VCL: variants seen among roughly 807,000 people sequenced by gnomAD.
VCL encodes the protein vinculin.
Under a neutral mutation model 125.7 loss-of-function variants are expected in VCL, and 47 were observed. The observed-to-expected ratio is 0.37, with a 90% CI of 0.30 to 0.48. The LOEUF (loss-of-function observed/expected upper bound fraction) is 0.48. Among genes scored for constraint, VCL ranks in the 20% least tolerant of loss-of-function variants. VCL has a pLI of 0.99. For synonymous variants in VCL, 458 were observed against 514.6 expected, an observed-to-expected ratio of 0.89 and a Z score of 1.49; for missense variants, 1,069 against 1,455.5, an observed-to-expected ratio of 0.73 and a Z score of 4.32.
chr10:74,001,114 C>T (rs1419649575), intron 1 of VCL, among the ~76,000 whole-genome samples: 1 of 152,024 alleles, frequency 6.6e-6, no homozygotes, highest in Admixed American at 6.6e-5. Context: ...ACAAAGAGAG[C>T]AGGAGGGGAA....
intron 13 of VCL, among the ~76,000 whole-genome samples, chr10:74,098,224 A>G (rs1840001294): frequency 1.3e-5 from 2 of 152,132 alleles, no homozygotes; most frequent in African/African-American, 2.4e-5. Flanking sequence ...CCAGATAACC[A>G]TATCTATTAG....
chr10:74,101,675 C>A (rs1840060683), intron 14 of VCL, among the ~76,000 whole-genome samples: 1 of 150,874 alleles, frequency 6.6e-6, no homozygotes, highest in South Asian at 2.1e-4. Flanking sequence ...CCTGCCTCAG[C>A]CTCCCGAGTA....
intron 1 of VCL, among the ~76,000 whole-genome samples, chr10:74,028,365 T>A (rs1456189901): frequency 2.0e-5 from 3 of 151,650 alleles, no homozygotes; most frequent in Non-Finnish European, 4.4e-5. Context: ...ATTATAGGTG[T>A]GAGCCACTGC....
intron 1 of VCL, among the ~76,000 whole-genome samples, chr10:74,023,476 A>G (rs569151653): frequency 3.7e-4 from 56 of 152,382 alleles, no homozygotes; most frequent in African/African-American, 1.3e-3. Context: ...GTATGACTGT[A>G]CTTAAAACAG....
chr10:74,035,851 T>A (rs1369878797), intron 1 of VCL, among the ~76,000 whole-genome samples: 1 of 152,204 alleles, frequency 6.6e-6, no homozygotes, highest in Admixed American at 6.5e-5. Flanking sequence ...GTGTTGAACA[T>A]GTACAGATTT....
chr10:74,105,241 CG>C lies in VCL; in HGVS notation c.2323del (p.Glu775ArgfsTer9), dbSNP rs1840112886. The C allele has an allele frequency of 6.2e-7, 1 of 1,613,974 alleles. No individual in the cohort carries two copies. Among genetic ancestry groups the C allele is most frequent in the Admixed American group, 1.7e-5 (1 of 59,982 alleles). ...LVAKREVENS[E>X]DPKFREAVKA... ...TGGCTAAGAGGGAGGTGGAGAATTC[CG>C]AGGATCCCAAGTTCCGTGAGGCTGT... On this transcript the variant is annotated frameshift_variant, in exon 16 of 22. Transcript: ENST00000211998. LOFTEE classifies it high-confidence loss of function.
chr10:74,049,105 TCAAAAAAA>T (rs920919379), intron 2 of VCL, among the ~76,000 whole-genome samples: 8 of 147,268 alleles, frequency 5.4e-5, no homozygotes, highest in Non-Finnish European at 1.5e-5. Context: ...AGACTCCATC[TCAAAAAAA>T]CAAACAAACA....
Position 74,072,868 on chromosome 10 carries a change from A to T in VCL, c.622+16A>T. Reference sequence around the variant, plus strand: ...CTCATTTCAGGTACTTCCTGCCTGTACTTTATTTTATAGGGGGGAAAAATG... The same window carrying T: ...CTCATTTCAGGTACTTCCTGCCTGTTCTTTATTTTATAGGGGGGAAAAATG... On this transcript the variant is annotated intron_variant, in intron 5 of 21. Transcript: ENST00000211998. The T allele has an allele frequency of 6.2e-7, 1 of 1,613,648 alleles. No individual in the cohort carries two copies. Among genetic ancestry groups the T allele is most frequent in the East Asian group, 2.2e-5 (1 of 44,870 alleles).
Position 74,094,478 on chromosome 10 carries a change from A to G in VCL, c.1543+17A>G. On this transcript the variant is annotated intron_variant, in intron 11 of 21. Coordinates refer to ENST00000211998, the MANE Select transcript of VCL (RefSeq NM_014000.3). ...GTGGAGTCGGTAAGGGCAGCAGTGCACTATAACCTCATTAAATTGGTCTCA... is the reference window on the plus strand; with the variant it reads ...GTGGAGTCGGTAAGGGCAGCAGTGCGCTATAACCTCATTAAATTGGTCTCA... 2 of 1,610,080 alleles carry G rather than the reference A, an allele frequency of 1.2e-6. No individual in the cohort carries two copies. The highest frequency in any genetic ancestry group is 1.3e-5 in the African/African-American group (1 of 75,056).
At chr10:74,014,802 A>AGTAG (rs1840507035) in intron 1 of VCL, among the ~76,000 whole-genome samples, 1 of 152,086 alleles carries the variant, frequency 6.6e-6, no homozygotes, top group Non-Finnish European at 1.5e-5. Flanking sequence ...TCAAGCTTGC[A>AGTAG]TTAGTCTCCT....
At chr10:74,072,920 A>C in intron 5 of VCL, 68 bp downstream of exon 5, 1 of 1,590,750 alleles carries the variant, frequency 6.3e-7, no homozygotes, top group South Asian at 1.1e-5. Flanking sequence ...TCTGAGGTTC[A>C]TTTTGTTTTC....
intron 13 of VCL, among the ~76,000 whole-genome samples, chr10:74,098,008 A>T (rs1363798184): frequency 6.6e-6 from 1 of 152,144 alleles, no homozygotes; most frequent in Non-Finnish European, 1.5e-5. Flanking sequence ...AGAGATGGAC[A>T]TGTTTCGCTC....
At position 74,114,234 on chromosome 10, in the gene VCL, G is replaced by C; in HGVS notation, c.3000G>C (p.Glu1000Asp). The change falls in exon 20 of 22, where the codon GAG (glutamate) becomes GAC (aspartate). Residue 1000 changes from glutamate to aspartate, a missense_variant. By Grantham distance (45) the Glu-to-Asp change is conservative (BLOSUM62 2). Around this residue, in one of 6 missense-constraint regions of VCL, gnomAD observed 91 missense variants for 203.9 expected, o/e 0.45. Transcript: ENST00000211998. ...AGCGCATGGCTCTGCTGATGGCTGAGATGTCTCGGCTGGTAAGAGGGGGCA... is the reference window on the plus strand; with the variant it reads ...AGCGCATGGCTCTGCTGATGGCTGACATGTCTCGGCTGGTAAGAGGGGGCA... ...AAKRMALLMA[E>D]MSRLVRGGSG... The C allele has an allele frequency of 1.2e-6, 2 of 1,614,036 alleles. No individual in the cohort carries two copies. The highest frequency in any genetic ancestry group is 1.7e-6 in the Non-Finnish European group (2 of 1,180,028).
At chr10:74,112,524 A>G (rs1055607189) in intron 19 of VCL, among the ~76,000 whole-genome samples, 1 of 152,134 alleles carries the variant, frequency 6.6e-6, no homozygotes, top group Non-Finnish European at 1.5e-5. Flanking sequence ...CTGATGGCTC[A>G]GGGAGAGTTG....
At chr10:74,051,479 TACCTTGTA>T (rs1841298705) in intron 2 of VCL, among the ~76,000 whole-genome samples, 1 of 152,202 alleles carries the variant, frequency 6.6e-6, no homozygotes, top group Middle Eastern at 3.2e-3. Context: ...ATTTCTTAAA[TACCTTGTA>T]TGAGCTGGGT....
intron 1 of VCL, among the ~76,000 whole-genome samples, chr10:74,021,417 A>G (rs1840664831): frequency 6.6e-6 from 1 of 152,114 alleles, no homozygotes. Context: ...GAACAAGAAA[A>G]GATAGATAAA....
chr10:74,027,360 C>A (rs1337213918), intron 1 of VCL, among the ~76,000 whole-genome samples: 1 of 151,022 alleles, frequency 6.6e-6, no homozygotes, highest in Non-Finnish European at 1.5e-5. Context: ...GCTAGTCACC[C>A]TCATATAGTC....
chr10:74,018,225 A>T (rs10762571), intron 1 of VCL, among the ~76,000 whole-genome samples: 83,081 of 129,890 alleles, frequency 0.64, 27,250 homozygotes, highest in Middle Eastern at 0.71. Flanking sequence ...TATGTGTATT[A>T]TTTTATTTTA....
intron 1 of VCL, among the ~76,000 whole-genome samples, chr10:74,009,078 G>C (rs56914341): frequency 6.6e-6 from 1 of 151,994 alleles, no homozygotes. Flanking sequence ...GAGGAAGGAC[G>C]TCCCATTGAA....
Sources: allele counts gnomAD v4.1 joint callset (sites outside exome capture counted in the v4.1 genomes callset), GRCh38; gene constraint gnomAD v4.1.1; regional missense constraint gnomAD v4.1.1; transcripts MANE v1.5; gene names NCBI Gene and HGNC (gene_info 2026-07-23, HGNC 2026-07-21).